Variants in CA10 observed in about 807,000 individuals in gnomAD.
CA10 encodes the protein carbonic anhydrase 10 (inactive).
A neutral mutation model predicts 44.2 loss-of-function variants in CA10; 14 were observed. The ratio of observed to expected loss-of-function variants is 0.32; its 90% CI spans 0.21 to 0.50. The LOEUF is 0.50. Among genes scored for constraint, CA10 ranks in the 20% least tolerant of loss-of-function variants. The pLI is 0.99. For synonymous variants in CA10, 159 were observed against 141.6 expected (o/e 1.12, Z -0.87); for missense variants, 350 against 409.7 (o/e 0.85, Z 1.26).
intron 2 of CA10, among the ~76,000 whole-genome samples, chr17:51,988,274 G>T (rs187028059): frequency 2.1e-4 from 32 of 151,906 alleles, no homozygotes; most frequent in Non-Finnish European, 3.7e-4. Flanking sequence ...CAAACTTTGA[G>T]AAACTTATTA....
chr17:51,951,187 T>C (rs1983467691), intron 2 of CA10, among the ~76,000 whole-genome samples: 1 of 152,166 alleles, frequency 6.6e-6, no homozygotes, highest in Non-Finnish European at 1.5e-5. Flanking sequence ...CCTCCAAGAT[T>C]CTCATAATGA....
At chr17:51,964,859 C>T (rs1437690662) in intron 2 of CA10, among the ~76,000 whole-genome samples, 1 of 151,718 alleles carries the variant, frequency 6.6e-6, no homozygotes, top group Non-Finnish European at 1.5e-5. Flanking sequence ...AAAACAAGAA[C>T]AAACTGACCC....
chr17:51,803,346 C>T (rs1238796036), intron 3 of CA10, among the ~76,000 whole-genome samples: 2 of 152,184 alleles, frequency 1.3e-5, no homozygotes, highest in Non-Finnish European at 2.9e-5. Context: ...AGCAGCAGGA[C>T]TGGACAGCTC....
intron 2 of CA10, among the ~76,000 whole-genome samples, chr17:52,068,246 T>G (rs1987587531): frequency 6.6e-6 from 1 of 152,194 alleles, no homozygotes. Context: ...GGTCTGATGG[T>G]TTTGTAAGGG....
chr17:51,779,847 G>A (rs930876138), intron 3 of CA10, among the ~76,000 whole-genome samples: 2 of 152,162 alleles, frequency 1.3e-5, no homozygotes, highest in South Asian at 2.1e-4. Flanking sequence ...TGTGCCTCAG[G>A]AGAAGGCTGG....
intron 1 of CA10, among the ~76,000 whole-genome samples, chr17:52,109,769 G>A (rs1171026834): frequency 6.6e-6 from 1 of 152,202 alleles, no homozygotes; most frequent in Non-Finnish European, 1.5e-5. Context: ...TCTTAGATCA[G>A]TGGTCCAAAA....
chr17:51,829,978 C>G (rs1385863390), intron 3 of CA10, among the ~76,000 whole-genome samples: 1 of 152,038 alleles, frequency 6.6e-6, no homozygotes. Flanking sequence ...GTAGGCAGAT[C>G]ACGAGGTTAA....
intron 3 of CA10, among the ~76,000 whole-genome samples, chr17:51,866,333 A>G (rs1200549094): frequency 6.6e-6 from 1 of 152,210 alleles, no homozygotes; most frequent in Non-Finnish European, 1.5e-5. Context: ...AGTTCACATA[A>G]CAGCTTCTTT....
intron 3 of CA10, among the ~76,000 whole-genome samples, chr17:51,832,910 TA>T (rs1908335092): frequency 6.6e-6 from 1 of 152,082 alleles, no homozygotes; most frequent in Non-Finnish European, 1.5e-5. Context: ...ACATCACCTA[TA>T]GAGGTGATCC....
At chr17:52,003,025 G>A (rs1598161198) in intron 2 of CA10, among the ~76,000 whole-genome samples, 1 of 152,042 alleles carries the variant, frequency 6.6e-6, no homozygotes, top group Middle Eastern at 3.4e-3. Context: ...GGTTTGCACA[G>A]GAATGAGGTT....
chr17:51,913,478 A>C (rs1411346121), intron 3 of CA10, among the ~76,000 whole-genome samples: 1 of 152,078 alleles, frequency 6.6e-6, no homozygotes, highest in Non-Finnish European at 1.5e-5. Flanking sequence ...ATTTTTGTGA[A>C]ATTTGGGAAA....
intron 4 of CA10, among the ~76,000 whole-genome samples, chr17:51,656,919 C>T (rs1421850510): frequency 1.3e-5 from 2 of 152,156 alleles, no homozygotes; most frequent in African/African-American, 4.8e-5. Flanking sequence ...CATGCATCAC[C>T]TATGTTGGAA....
chr17:52,034,685 C>T (rs1390228606), intron 2 of CA10, among the ~76,000 whole-genome samples: 1 of 152,086 alleles, frequency 6.6e-6, no homozygotes, highest in Non-Finnish European at 1.5e-5. Context: ...ATGATTTTAC[C>T]TCTCCAAGTG....
At chr17:51,859,700 T>TG (rs776281421) in intron 3 of CA10, among the ~76,000 whole-genome samples, 14 of 152,104 alleles carry the variant, frequency 9.2e-5, no homozygotes, top group African/African-American at 9.7e-5. Context: ...AAATGAAGAA[T>TG]GGGGATAATA....
At position 51,838,289 on chromosome 17, in the gene CA10, A is replaced by G. The variant is rs184867969; in HGVS notation, c.280-90471T>C. On this transcript the variant is annotated intron_variant, in intron 3 of 8. Coordinates refer to ENST00000451037, the MANE Select transcript of CA10 (RefSeq NM_020178.5). Reference sequence around the variant, plus strand: ...TAAACCATCTTGCCTGAGTCTCAGCATTAACCTATGTCTTTTGTATATCTA... The same window carrying G: ...TAAACCATCTTGCCTGAGTCTCAGCGTTAACCTATGTCTTTTGTATATCTA... 1.8e-4 allele frequency among the ~76,000 whole-genome samples: 27 copies of G among 152,350 alleles called. 2 individuals are homozygous for G. The highest frequency in any genetic ancestry group is 5.5e-4 in the African/African-American group (23 of 41,580).
At chr17:51,878,844 A>G (rs1169754538) in intron 3 of CA10, among the ~76,000 whole-genome samples, 1 of 6,342 alleles carries the variant, frequency 1.6e-4, no homozygotes, top group Non-Finnish European at 2.3e-4. Flanking sequence ...ATATATATAT[A>G]TATATATATA....
chr17:52,007,076 T>C (rs562165034), intron 2 of CA10, among the ~76,000 whole-genome samples: 2 of 151,868 alleles, frequency 1.3e-5, no homozygotes, highest in South Asian at 4.1e-4. Flanking sequence ...ATGGCTGATA[T>C]GTAAAAACAC....
intron 1 of CA10, among the ~76,000 whole-genome samples, chr17:52,105,172 A>C (rs1240351213): frequency 8.8e-6 from 1 of 113,598 alleles, no homozygotes; most frequent in Non-Finnish European, 2.0e-5. Flanking sequence ...TGATTCCTAC[A>C]TGCATTAAAG....
At chr17:51,918,485 G>A (rs886728745) in intron 3 of CA10, among the ~76,000 whole-genome samples, 11 of 152,144 alleles carry the variant, frequency 7.2e-5, no homozygotes, top group Non-Finnish European at 1.0e-4. Context: ...AACTGTGTGC[G>A]TGTATACATT....
Sources: allele counts gnomAD v4.1 joint callset (sites outside exome capture counted in the v4.1 genomes callset), GRCh38; gene constraint gnomAD v4.1.1; transcripts MANE v1.5; gene names NCBI Gene and HGNC (gene_info 2026-07-23, HGNC 2026-07-21).